ERICH6B: variants seen among roughly 807,000 people sequenced by gnomAD.
ERICH6B encodes the protein glutamate-rich protein 6B.
ERICH6B carries 69 observed loss-of-function variants against 80.0 expected under a neutral mutation model. The ratio of observed to expected loss-of-function variants is 0.86; its 90% CI spans 0.71 to 1.05. The LOEUF (loss-of-function observed/expected upper bound fraction) is 1.05. Among genes scored for constraint, ERICH6B ranks in the 50% least tolerant of loss-of-function variants. The pLI is 0.00. For synonymous variants in ERICH6B, 283 were observed against 291.9 expected, an observed-to-expected ratio of 0.97 and a Z score of 0.31; for missense variants, 754 against 796.1, an observed-to-expected ratio of 0.95 and a Z score of 0.64.
chr13:45,583,106 C>T (rs1456185545), intron 5 of ERICH6B, among the ~76,000 whole-genome samples: 1 of 152,164 alleles, frequency 6.6e-6, no homozygotes, highest in African/African-American at 2.4e-5. Context: ...TTCTTTTCAC[C>T]AATCTTTAGT....
At chr13:45,561,608 G>T in intron 10 of ERICH6B, 82 bp from the exon 11 acceptor site, 1 of 1,459,272 alleles carries the variant, frequency 6.9e-7, no homozygotes, top group Non-Finnish European at 9.2e-7. Flanking sequence ...CTCTCAAGGT[G>T]CCAAAGGGAG....
In ERICH6B at chr13:45,541,532, A is replaced by G. The variant is rs771457024; in HGVS notation, c.2021T>C (p.Ile674Thr). Residue 674 changes from isoleucine to threonine, a missense_variant, in exon 15 of 15, where the codon ATA becomes ACA. By Grantham distance (89) the Ile-to-Thr change is moderately conservative. Coordinates refer to ENST00000298738, the MANE Select transcript of ERICH6B (RefSeq NM_182542.3). ...CATCAGTGATATACTGACGGCCTCTATGAAGTTTTCCAGATCAGGGGTGGT... is the reference window on the plus strand; with the variant it reads ...CATCAGTGATATACTGACGGCCTCTGTGAAGTTTTCCAGATCAGGGGTGGT... ...YATTPDLENF[I>T]EAVSISLMDN... The G allele has an allele frequency of 7.1e-6, 11 of 1,551,966 alleles. No individual in the cohort carries two copies. Among genetic ancestry groups the G allele is most frequent in the Admixed American group, 5.9e-5 (3 of 50,982 alleles).
rs142875900 is a variant in ERICH6B at position 45,596,584 on chromosome 13, CCCAGATACTCTTCCTCCT to C, written c.404_421del (p.Glu135_Leu140del). 717,524 of 1,550,086 alleles carry C rather than the reference CCCAGATACTCTTCCTCCT, an allele frequency of 0.46. 175,261 individuals carry two copies. Among genetic ancestry groups the C allele is most frequent in the Non-Finnish European group, 0.5 (577,516 of 1,145,814 alleles). ...TTCCTTCTCCAGATACCCTTCCTTC[CCCAGATACTCTTCCTCCT>C]CCAGATGCTCTTCCTTCCCCAGGTA... On this transcript the variant is annotated inframe_deletion, in exon 3 of 15. Coordinates refer to ENST00000298738, the MANE Select transcript of ERICH6B (RefSeq NM_182542.3).
chr13:45,579,796 C>T (rs1463999296), intron 7 of ERICH6B, 137 bp downstream of exon 7: 2 of 753,012 alleles, frequency 2.7e-6, no homozygotes, highest in Non-Finnish European at 4.4e-6. Flanking sequence ...GTCCGTGTGC[C>T]CAGGATGCCC....
intron 11 of ERICH6B, among the ~76,000 whole-genome samples, chr13:45,553,766 G>A (rs1413611257): frequency 6.6e-6 from 1 of 152,040 alleles, no homozygotes; most frequent in Non-Finnish European, 1.5e-5. Flanking sequence ...CCAGCCACCT[G>A]CGACATTTAG....
chr13:45,600,141 A>C (rs1486641500), intron 2 of ERICH6B, among the ~76,000 whole-genome samples: 1 of 152,164 alleles, frequency 6.6e-6, no homozygotes, highest in African/African-American at 2.4e-5. Context: ...AGGCCCCTTC[A>C]GCTTTATTTA....
At chr13:45,608,216 T>C (rs1259435087) in intron 1 of ERICH6B, among the ~76,000 whole-genome samples, 2 of 152,150 alleles carry the variant, frequency 1.3e-5, no homozygotes, top group Admixed American at 6.5e-5. Flanking sequence ...TCCAAAATAC[T>C]GAGAATTGTT....
chr13:45,577,274 A>ACCTT (rs1566295865), intron 7 of ERICH6B, among the ~76,000 whole-genome samples: 1 of 110,792 alleles, frequency 9.0e-6, no homozygotes, highest in African/African-American at 4.0e-5. Context: ...TTAAAAACAA[A>ACCTT]TCTTTTTTTT....
intron 5 of ERICH6B, among the ~76,000 whole-genome samples, chr13:45,585,334 A>G (rs1023410457): frequency 2.6e-5 from 4 of 152,138 alleles, no homozygotes; most frequent in Non-Finnish European, 5.9e-5. Context: ...TACTTATGGC[A>G]TTTAATGGTG....
intron 13 of ERICH6B, among the ~76,000 whole-genome samples, chr13:45,549,641 A>G (rs183973603): frequency 6.6e-6 from 1 of 152,352 alleles, no homozygotes; most frequent in East Asian, 1.9e-4. Context: ...TTAGGAGATG[A>G]AACCAATAGA....
At chr13:45,576,240 T>C (rs1018308904) in intron 7 of ERICH6B, among the ~76,000 whole-genome samples, 1 of 152,252 alleles carries the variant, frequency 6.6e-6, no homozygotes, top group Non-Finnish European at 1.5e-5. Context: ...AACCTTCTTC[T>C]GCAGCCTTGG....
rs535086729 is a variant in ERICH6B, at chr13:45,541,591, A to G, written c.1962T>C (p.Leu654=). 6.4e-7 allele frequency: 1 copy of G among 1,551,732 alleles called. No homozygotes were observed. Among genetic ancestry groups the G allele is most frequent in the East Asian group, 2.4e-5 (1 of 40,912 alleles). Residue 654 remains leucine, a synonymous_variant, in exon 15 of 15, where the codon CTT becomes CTC. Coordinates refer to ENST00000298738, the MANE Select transcript of ERICH6B (RefSeq NM_182542.3). The part of the protein sequence containing the change: ...PGPTAQKIRV[L]LGKMNRLLNY... Reference sequence around the variant, plus strand: ...TCAGGAGCCTATTCATTTTCCCCAGAAGGACCCGGATCTTCTGGGCTGTTG... The same window carrying G: ...TCAGGAGCCTATTCATTTTCCCCAGGAGGACCCGGATCTTCTGGGCTGTTG...
chr13:45,600,141 A>G (rs1486641500), intron 2 of ERICH6B, among the ~76,000 whole-genome samples: 1 of 152,164 alleles, frequency 6.6e-6, no homozygotes. Context: ...AGGCCCCTTC[A>G]GCTTTATTTA....
chr13:45,580,002 C>T, intron 6 of ERICH6B, 28 bp from the exon 7 acceptor site: 1 of 1,497,028 alleles, frequency 6.7e-7, no homozygotes, highest in South Asian at 1.2e-5. Context: ...AAATTATTAA[C>T]AGGATACGGT....
intron 2 of ERICH6B, among the ~76,000 whole-genome samples, chr13:45,597,781 G>A (rs1007783398): frequency 1.3e-5 from 2 of 152,080 alleles, no homozygotes; most frequent in African/African-American, 4.8e-5. Flanking sequence ...TTGCACGTTT[G>A]TTCTTCCAAC....
At chr13:45,580,418 T>G (rs1377916893) in intron 6 of ERICH6B, among the ~76,000 whole-genome samples, 185 bp downstream of exon 6, 1 of 152,228 alleles carries the variant, frequency 6.6e-6, no homozygotes, top group African/African-American at 2.4e-5. Flanking sequence ...TACTTGAGCC[T>G]GGAGCCTCAA....
At chr13:45,573,577 G>A (rs973789583) in intron 8 of ERICH6B, among the ~76,000 whole-genome samples, 2 of 152,170 alleles carry the variant, frequency 1.3e-5, no homozygotes, top group African/African-American at 4.8e-5. Flanking sequence ...TTAAAAACAA[G>A]TCTAATGGTG....
At chr13:45,605,123 C>T (rs1048095269) in intron 2 of ERICH6B, among the ~76,000 whole-genome samples, 3 of 152,114 alleles carry the variant, frequency 2.0e-5, no homozygotes, top group Non-Finnish European at 2.9e-5. Flanking sequence ...CCTGAAGCCC[C>T]TCCTCTTTGG....
intron 11 of ERICH6B, among the ~76,000 whole-genome samples, chr13:45,555,641 A>G (rs549089704): frequency 6.6e-6 from 1 of 152,188 alleles, no homozygotes. Context: ...ACAACTGGAC[A>G]TAGACAACTG....
Sources: gnomAD v4.1 joint callset for allele counts (sites outside exome capture counted in the v4.1 genomes callset) on GRCh38, gnomAD v4.1.1 for gene constraint, MANE v1.5 for transcripts, NCBI Gene and HGNC (gene_info 2026-07-23, HGNC 2026-07-21) for gene names.